Variants in ITGB5 observed in about 807,000 individuals in gnomAD.
ITGB5 encodes the protein integrin subunit beta 5.
A neutral mutation model predicts 84.8 loss-of-function variants in ITGB5; 38 were observed. That is an observed-to-expected ratio of 0.45 (90% CI 0.35 to 0.59). The LOEUF (loss-of-function observed/expected upper bound fraction) is 0.59. ITGB5 is among the 20% of genes least tolerant of loss of function. The pLI, the probability that ITGB5 is intolerant of heterozygous loss-of-function variation, is 0.01. For missense variants in ITGB5, 905 were observed against 1,034.5 expected, an observed-to-expected ratio of 0.87 and a Z score of 1.72; for synonymous variants, 393 against 414.4, an observed-to-expected ratio of 0.95 and a Z score of 0.63.
intron 9 of ITGB5, among the ~76,000 whole-genome samples, chr3:124,803,720 C>T (rs1312623908): frequency 6.6e-6 from 1 of 152,200 alleles, no homozygotes; most frequent in Admixed American, 6.5e-5. Context: ...CAGTCAGCGG[C>T]ACTCTCCCGT....
chr3:124,861,495 T>TATATACACACACAC (rs750712591), intron 2 of ITGB5, among the ~76,000 whole-genome samples: 19 of 112,010 alleles, frequency 1.7e-4, no homozygotes, highest in African/African-American at 4.5e-4. Context: ...TATATATATA[T>TATATACACACACAC]ACACACACAC....
intron 9 of ITGB5, among the ~76,000 whole-genome samples, chr3:124,804,900 C>A (rs960042373): frequency 2.0e-5 from 3 of 152,094 alleles, no homozygotes; most frequent in African/African-American, 7.2e-5. Context: ...CTCCTGACCT[C>A]AGGTGATCCA....
chr3:124,836,159 G>A (rs1409888362), intron 5 of ITGB5, among the ~76,000 whole-genome samples: 1 of 151,816 alleles, frequency 6.6e-6, no homozygotes, highest in Non-Finnish European at 1.5e-5. Context: ...CAGAGCTTGA[G>A]TAAGGAAAAC....
chr3:124,875,559 G>A (rs1281553281), intron 1 of ITGB5, among the ~76,000 whole-genome samples: 2 of 151,934 alleles, frequency 1.3e-5, no homozygotes, highest in Admixed American at 6.6e-5. Flanking sequence ...GTACACTGTT[G>A]GTGGGAATGT....
intron 1 of ITGB5, among the ~76,000 whole-genome samples, chr3:124,884,578 T>C (rs768406439): frequency 1.3e-5 from 2 of 152,182 alleles, no homozygotes; most frequent in Non-Finnish European, 2.9e-5. Flanking sequence ...TACATGCCTG[T>C]AATCCCAGTT....
upstream of ITGB5, among the ~76,000 whole-genome samples, chr3:124,890,397 G>A (rs988576083): frequency 5.3e-5 from 8 of 151,770 alleles, no homozygotes; most frequent in Non-Finnish European, 1.0e-4. Context: ...AGTAGAGGCG[G>A]GGTTTCACCA....
chr3:124,869,863 A>G (rs1288653771), intron 2 of ITGB5, among the ~76,000 whole-genome samples: 2 of 152,202 alleles, frequency 1.3e-5, no homozygotes, highest in Admixed American at 1.3e-4. Flanking sequence ...TACTAGCACA[A>G]GGAAAGAAGC....
At chr3:124,851,444 C>T (rs1276935818) in intron 3 of ITGB5, among the ~76,000 whole-genome samples, 1 of 152,148 alleles carries the variant, frequency 6.6e-6, no homozygotes, top group African/African-American at 2.4e-5. Context: ...TGAATTTCAA[C>T]AGCTACAGCC....
At chr3:124,861,364 G>A (rs1230216099) in intron 2 of ITGB5, among the ~76,000 whole-genome samples, 1 of 151,302 alleles carries the variant, frequency 6.6e-6, no homozygotes, top group Non-Finnish European at 1.5e-5. Flanking sequence ...CATTTTAGGA[G>A]GCTGAGGCGG....
intron 1 of ITGB5, among the ~76,000 whole-genome samples, chr3:124,894,218 C>T (rs1256036435): frequency 2.1e-5 from 3 of 145,560 alleles, no homozygotes; most frequent in East Asian, 2.1e-4. Flanking sequence ...CTGCAAGCTC[C>T]GCCTCCCAGG....
intron 8 of ITGB5, among the ~76,000 whole-genome samples, chr3:124,814,024 C>G (rs1321479729): frequency 6.6e-6 from 1 of 152,134 alleles, no homozygotes; most frequent in African/African-American, 2.4e-5. Flanking sequence ...CTTGGAAACT[C>G]TGTGTCGGGA....
chr3:124,818,827 G>A (rs187159851), intron 7 of ITGB5, among the ~76,000 whole-genome samples: 9 of 152,264 alleles, frequency 5.9e-5, no homozygotes, highest in African/African-American at 1.9e-4. Flanking sequence ...TCTCAGGCAG[G>A]AGCAATAGAA....
chr3:124,769,755 GT>G (rs1266918888), intron 11 of ITGB5: 2 of 152,292 alleles, frequency 1.3e-5, no homozygotes, highest in Non-Finnish European at 2.9e-5. Context: ...CATCTGCCAG[GT>G]CCCCCGTGGC....
At chr3:124,894,176 A>AGGCTGGAGTGCAGTGGCACGATCTC (rs1447926490) in intron 1 of ITGB5, among the ~76,000 whole-genome samples, 3 of 117,498 alleles carry the variant, frequency 2.6e-5, no homozygotes, top group African/African-American at 3.3e-5. Flanking sequence ...GCTGTCACCC[A>AGGCTGGAGTGCAGTGGCACGATCTC]GGCTGGAGTG....
chr3:124,897,548 G>A (rs573544419), intron 1 of ITGB5, among the ~76,000 whole-genome samples: 2 of 152,188 alleles, frequency 1.3e-5, no homozygotes, highest in Admixed American at 6.5e-5. Flanking sequence ...TTGGCTAGGC[G>A]TAGTGGCTCA....
At chr3:124,861,495 T>TATATATACACAC (rs750712591) in intron 2 of ITGB5, among the ~76,000 whole-genome samples, 67 of 112,006 alleles carry the variant, frequency 6.0e-4, no homozygotes, top group African/African-American at 1.8e-3. Flanking sequence ...TATATATATA[T>TATATATACACAC]ACACACACAC....
At chr3:124,898,784 A>C in intron 1 of ITGB5, among the ~76,000 whole-genome samples, 1 of 148,710 alleles carries the variant, frequency 6.7e-6, no homozygotes, top group Non-Finnish European at 1.5e-5. Context: ...AAAAAAAAAA[A>C]AAAAAAAAAG....
chr3:124,819,626 C>T, intron 7 of ITGB5, 113 bp downstream of exon 7: 1 of 775,156 alleles, frequency 1.3e-6, no homozygotes, highest in Non-Finnish European at 2.3e-6. Context: ...TAGATCAAGA[C>T]TGGGCTATAT....
intron 8 of ITGB5, among the ~76,000 whole-genome samples, chr3:124,812,374 G>A (rs114539821): frequency 6.6e-6 from 1 of 152,194 alleles, no homozygotes; most frequent in East Asian, 1.9e-4. Context: ...ATCTGCAATT[G>A]CTTTAAGTCG....
Sources: gnomAD v4.1 joint callset for allele counts (sites outside exome capture counted in the v4.1 genomes callset) on GRCh38, gnomAD v4.1.1 for gene constraint, MANE v1.5 for transcripts, NCBI Gene and HGNC (gene_info 2026-07-23, HGNC 2026-07-21) for gene names.